TDRD1: variants seen among roughly 807,000 people sequenced by gnomAD.
TDRD1 encodes the protein tudor domain containing 1, also known as tudor domain-containing protein 1.
A neutral mutation model predicts 140.6 loss-of-function variants in TDRD1; 37 were observed. The observed-to-expected ratio is 0.26, with a 90% CI of 0.20 to 0.35. TDRD1 has a LOEUF of 0.35. Among genes scored for constraint, TDRD1 ranks in the 10% least tolerant of loss-of-function variants. The pLI, the probability that TDRD1 is intolerant of heterozygous loss-of-function variation, is 1.00. For synonymous variants in TDRD1, 506 were observed against 475.7 expected (o/e 1.06, Z -0.83); for missense variants, 1,243 against 1,393.0 (o/e 0.89, Z 1.71).
chr10:114,179,732 T>A (rs2032873555), intron 1 of TDRD1: 1 of 152,168 alleles, frequency 6.6e-6, no homozygotes, highest in Non-Finnish European at 1.5e-5. Flanking sequence ...CAAACAATAT[T>A]AACATTTACT....
chr10:114,228,620 A>G, intron 25 of TDRD1: 2 of 985,422 alleles, frequency 2.0e-6, no homozygotes, highest in Non-Finnish European at 2.4e-6. Flanking sequence ...TTCATTTAAA[A>G]ACAAAACATA....
At chr10:114,203,975 C>G in intron 8 of TDRD1, 98 bp from the exon 9 acceptor site, 1 of 1,423,322 alleles carries the variant, frequency 7.0e-7, no homozygotes. Context: ...AGAACAGGAG[C>G]CTTTCCTTTG....
chr10:114,232,315 A>C (rs1428384006), downstream of TDRD1: 5 of 151,952 alleles, frequency 3.3e-5, no homozygotes, highest in South Asian at 2.1e-4. Context: ...AAAAAAAAAA[A>C]AAAAACGAAG....
chr10:114,178,744 A>C (rs2032786151), upstream of TDRD1, among the ~76,000 whole-genome samples: 1 of 152,162 alleles, frequency 6.6e-6, no homozygotes, highest in Admixed American at 6.6e-5. Context: ...TTTGCTTCAA[A>C]ACATTGCCCG....
chr10:114,215,005 G>T (rs1011845628), intron 16 of TDRD1, among the ~76,000 whole-genome samples: 2 of 152,176 alleles, frequency 1.3e-5, no homozygotes, highest in Non-Finnish European at 2.9e-5. Context: ...GCCTCCCAAA[G>T]TGCTGGGATT....
At chr10:114,200,792 T>A (rs2034683008) in intron 4 of TDRD1, among the ~76,000 whole-genome samples, 1 of 150,726 alleles carries the variant, frequency 6.6e-6, no homozygotes, top group East Asian at 2.0e-4. Flanking sequence ...TCTCCCAAAG[T>A]GCTGGGATTA....
intron 11 of TDRD1, among the ~76,000 whole-genome samples, chr10:114,208,086 C>T (rs1903892): frequency 0.21 from 31,434 of 151,746 alleles, 3,376 homozygotes; most frequent in Middle Eastern, 0.27. Flanking sequence ...TGTGTTAAGG[C>T]CTAGAGATAG....
chr10:114,185,883 C>G (rs1010219981), intron 1 of TDRD1, among the ~76,000 whole-genome samples: 3 of 152,258 alleles, frequency 2.0e-5, no homozygotes, highest in African/African-American at 7.2e-5. Flanking sequence ...GCCACCGTGC[C>G]TGGCCTAACG....
At chr10:114,205,874 G>A (rs1368979119) in intron 10 of TDRD1, among the ~76,000 whole-genome samples, 2 of 152,168 alleles carry the variant, frequency 1.3e-5, no homozygotes, top group African/African-American at 4.8e-5. Flanking sequence ...GTAATTGGAT[G>A]ATTTGTAACT....
At chr10:114,182,221 G>A (rs769495468) in intron 1 of TDRD1, among the ~76,000 whole-genome samples, 9 of 152,310 alleles carry the variant, frequency 5.9e-5, no homozygotes, top group Middle Eastern at 3.4e-3. Context: ...TCACAGGGCA[G>A]CAACAGCTGG....
intron 11 of TDRD1, among the ~76,000 whole-genome samples, chr10:114,210,100 CTT>C (rs1477455099): frequency 6.6e-6 from 1 of 152,064 alleles, no homozygotes; most frequent in Non-Finnish European, 1.5e-5. Context: ...TGACTTGTGA[CTT>C]TATGTTGCTT....
In TDRD1 at chr10:114,207,052, TTG is replaced by T. The variant is rs1396839192; in HGVS notation, c.1384+731_1384+732del. Among the ~76,000 whole-genome samples the T allele has an allele frequency of 2.0e-5, 3 of 152,374 alleles. No homozygotes were observed. In the East Asian group the frequency reaches 5.8e-4, roughly 29 times the overall value. ...GATGACTGTTTACTCCTGTAAAAGC[TTG>T]TGTGTGTGGTTTATTTAGATTAACA... On this transcript the variant is annotated intron_variant, in intron 11 of 25. Coordinates refer to ENST00000251864, the Ensembl canonical transcript of TDRD1.
chr10:114,221,762 C>T (rs1215687221), intron 20 of TDRD1, among the ~76,000 whole-genome samples: 7 of 152,172 alleles, frequency 4.6e-5, no homozygotes, highest in Non-Finnish European at 1.0e-4. Context: ...AACACATTAT[C>T]TATATTGAAT....
At chr10:114,204,824 A>G (rs2034997405) in exon 10 of TDRD1, 10 of 1,599,730 alleles carry the variant, frequency 6.3e-6, no homozygotes, top group Non-Finnish European at 8.5e-6. Context: ...GTACTGCTCC[A>G]TAAAGATTGT....
intron 5 of TDRD1, among the ~76,000 whole-genome samples, chr10:114,201,978 T>C (rs1397137146): frequency 6.6e-6 from 1 of 152,222 alleles, no homozygotes; most frequent in East Asian, 1.9e-4. Flanking sequence ...CTTGGAGATA[T>C]TCTCTCTGTC....
intron 2 of TDRD1, among the ~76,000 whole-genome samples, chr10:114,189,743 C>T (rs996811450): frequency 3.9e-5 from 6 of 152,196 alleles, no homozygotes; most frequent in African/African-American, 9.7e-5. Context: ...GGGCATGAAC[C>T]ACCGCACCAG....
chr10:114,201,349 G>GA (rs1409872172), intron 4 of TDRD1, 61 bp from the exon 5 acceptor site: 2 of 1,337,648 alleles, frequency 1.5e-6, no homozygotes, highest in African/African-American at 2.9e-5. Flanking sequence ...ATTTGCTAAA[G>GA]TGTGGACTTT....
intron 4 of TDRD1, among the ~76,000 whole-genome samples, chr10:114,199,599 C>T (rs1250926952): frequency 6.6e-6 from 1 of 152,194 alleles, no homozygotes; most frequent in Non-Finnish European, 1.5e-5. Context: ...GTTTCTGTCT[C>T]CTCAGGAAGT....
At position 114,210,570 on chromosome 10, in the gene TDRD1, C is replaced by T. The variant is rs2133058712; in HGVS notation, c.1385-11C>T. The stretch of plus-strand genomic sequence containing the variant: ...ACAAAATGGCTTATTTTTCTGTTTT[C>T]TTCTGATAAGGTGATCCTGAAGATG... On this transcript the variant is annotated splice_polypyrimidine_tract_variant and intron_variant, in intron 11 of 25. Transcript: ENST00000251864. The T allele has an allele frequency of 2.6e-6, 4 of 1,548,216 alleles. No individual in the cohort carries two copies. Among genetic ancestry groups the T allele is most frequent in the Admixed American group, 2.0e-5 (1 of 50,160 alleles).
Sources: gnomAD v4.1 joint callset for allele counts (sites outside exome capture counted in the v4.1 genomes callset) on GRCh38, gnomAD v4.1.1 for gene constraint, MANE v1.5 for transcripts, NCBI Gene and HGNC (gene_info 2026-07-23, HGNC 2026-07-21) for gene names.